The following DTNA variants were observed in gnomAD, a reference collection of about 807,000 sequenced individuals.
DTNA encodes the protein dystrobrevin alpha.
DTNA carries 43 observed loss-of-function variants against 100.7 expected under a neutral mutation model. The ratio of observed to expected loss-of-function variants is 0.43; its 90% CI spans 0.33 to 0.55. DTNA has a LOEUF of 0.55. Among genes scored for constraint, DTNA ranks in the 20% least tolerant of loss-of-function variants. The probability of loss-of-function intolerance (pLI) is 0.04; values close to 1 mark genes in which losing one functional copy is unlikely to be tolerated. For synonymous variants in DTNA, 349 were observed against 347.9 expected, an observed-to-expected ratio of 1.00 and a Z score of -0.04; for missense variants, 798 against 953.9, an observed-to-expected ratio of 0.84 and a Z score of 2.15.
At position 34,890,231 on chromosome 18, in the gene DTNA, T is replaced by C. The variant is rs1426254024; in HGVS notation, c.*2497T>C. 6.7e-7 allele frequency: 1 copy of C among 1,495,622 alleles called. No homozygotes were observed. Among genetic ancestry groups the C allele is most frequent in the Non-Finnish European group, 8.9e-7 (1 of 1,128,090 alleles). The allele number at this position is 1,495,622 out of a possible 1,614,324, so 92.6% of individuals were successfully genotyped here. A position where few individuals can be genotyped will look rare whatever the true frequency, so the allele number is the denominator to read the frequency against. On this transcript the variant is annotated 3_prime_UTR_variant, in exon 23 of 23. Transcript: ENST00000444659. ...TGTTGATATCGTCATATAAAGCCAT[T>C]GCAAGGACTCTGGAAACTGCCGCCA...
intron 17 of DTNA, chr18:34,865,997 A>C (rs1450398860): frequency 8.5e-7 from 1 of 1,176,142 alleles, no homozygotes; most frequent in Non-Finnish European, 1.3e-6. Context: ...AGAGGCCTGG[A>C]CCTGCCGTCA....
At chr18:34,515,886 T>C (rs1157018006) in intron 1 of DTNA, among the ~76,000 whole-genome samples, 1 of 152,088 alleles carries the variant, frequency 6.6e-6, no homozygotes, top group Non-Finnish European at 1.5e-5. Flanking sequence ...ACATTAAAAC[T>C]GAAAGAAGCA....
At chr18:34,629,127 C>T (rs2057739330) in intron 1 of DTNA, among the ~76,000 whole-genome samples, 1 of 152,106 alleles carries the variant, frequency 6.6e-6, no homozygotes, top group African/African-American at 2.4e-5. Context: ...TACACAAGCT[C>T]TTTTATTTTC....
chr18:34,818,681 G>A, intron 8 of DTNA: 1 of 1,100,386 alleles, frequency 9.1e-7, no homozygotes, highest in East Asian at 6.3e-5. Context: ...TTTGTTTTGT[G>A]GAAACGGCTT....
At chr18:34,707,784 A>G (rs1028677421), upstream of DTNA, among the ~76,000 whole-genome samples, 4 of 152,176 alleles carry the variant, frequency 2.6e-5, no homozygotes, top group African/African-American at 4.8e-5. Flanking sequence ...TCTCTCCTTC[A>G]TCAACTGTTT....
chr18:34,557,644 GC>G (rs2046213559), intron 1 of DTNA, among the ~76,000 whole-genome samples: 1 of 151,678 alleles, frequency 6.6e-6, no homozygotes, highest in African/African-American at 2.4e-5. Flanking sequence ...GTGTCAGTGT[GC>G]CCCTGCTGGG....
rs575281955 is a variant in DTNA at position 34,562,535 on chromosome 18, T to C, written c.-2+69021T>C. Among the ~76,000 whole-genome samples, 24 of 152,280 alleles carry C rather than the reference T, an allele frequency of 1.6e-4. 2 individuals carry two copies. The South Asian group carries it at 4.6e-3, about 29-fold the overall frequency. On this transcript the variant is annotated intron_variant, in intron 1 of 19. Coordinates refer to the DTNA transcript ENST00000283365. ...CTTTTTTTTCTTTACCATGCAGCAT[T>C]CTACTTTTCTCTGCCATTCATAACA... is the stretch of plus-strand genomic sequence containing the variant.
chr18:34,821,030 T>A (rs1468701014), intron 9 of DTNA, 115 bp downstream of exon 9: 12 of 1,377,546 alleles, frequency 8.7e-6, no homozygotes, highest in South Asian at 2.5e-5. Context: ...TAATTTAGTT[T>A]AAAAAAAAAA....
At chr18:34,514,044 C>T (rs1239226101) in intron 1 of DTNA, 1 of 152,060 alleles carries the variant, frequency 6.6e-6, no homozygotes, top group East Asian at 1.9e-4. Context: ...TTAAATTGTG[C>T]ACAGAGGTTC....
At position 34,883,471 on chromosome 18, in the gene DTNA, G is replaced by A. The variant is rs540674209; in HGVS notation, c.2296-1257G>A. On this transcript the variant is annotated intron_variant, in intron 21 of 22. Coordinates refer to ENST00000444659, the MANE Select transcript of DTNA (RefSeq NM_001386795.1). ...ACTACAGGTGCACACCACCATGCCT[G>A]GCTAATGTTTTTATTTTTTGTGGAG... is the stretch of plus-strand genomic sequence containing the variant. Among the ~76,000 whole-genome samples, 9 of 151,962 alleles carry A rather than the reference G, an allele frequency of 5.9e-5. 1 individual carries two copies. The highest frequency in any genetic ancestry group is 1.3e-4 in the Non-Finnish European group (9 of 67,968).
At chr18:34,639,608 G>C (rs2059043005) in intron 1 of DTNA, among the ~76,000 whole-genome samples, 1 of 152,074 alleles carries the variant, frequency 6.6e-6, no homozygotes, top group Admixed American at 6.5e-5. Context: ...AAGTGGCATA[G>C]TACTGCAAAA....
intron 13 of DTNA, 47 bp downstream of exon 13, chr18:34,838,884 T>A (rs374132540): frequency 2.6e-6 from 4 of 1,551,814 alleles, no homozygotes; most frequent in Non-Finnish European, 3.6e-6. Flanking sequence ...AGGGATACAG[T>A]CTGAGCTGGT....
rs113530917 is a variant in DTNA at position 34,583,850 on chromosome 18, T to G, written c.-2+90336T>G. The stretch of plus-strand genomic sequence containing the variant: ...ATTCCCTCCTCAACTTTTTGCAGCC[T>G]GACAGCTACCCCTCTCTCACCCTGT... On this transcript the variant is annotated intron_variant, in intron 1 of 19. Coordinates refer to the DTNA transcript ENST00000283365. Among the ~76,000 whole-genome samples, 815 of 152,278 alleles carry G rather than the reference T, an allele frequency of 5.4e-3. 9 individuals carry two copies. The highest frequency in any genetic ancestry group is 0.019 in the African/African-American group (781 of 41,564).
rs145750556 is a variant in DTNA at position 34,852,924 on chromosome 18, A to C, written c.1532+996A>C. Reference sequence around the variant, plus strand: ...GGAGGTTGTCACTTATCACTATCTGAAATAATCATGTGTGTTTGTTTCTTC... The same window carrying C: ...GGAGGTTGTCACTTATCACTATCTGCAATAATCATGTGTGTTTGTTTCTTC... On this transcript the variant is annotated intron_variant, in intron 15 of 22. Transcript: ENST00000444659. Among the ~76,000 whole-genome samples, 10 of 152,238 alleles carry C rather than the reference A, an allele frequency of 6.6e-5. No individual in the cohort carries two copies. The East Asian group carries it at 1.9e-3, about 29-fold the overall frequency.
intron 6 of DTNA, among the ~76,000 whole-genome samples, chr18:34,813,574 G>A (rs2095529545): frequency 1.3e-5 from 2 of 150,876 alleles, no homozygotes; most frequent in Non-Finnish European, 3.0e-5. Context: ...GTGTCAATAG[G>A]CCGGGTGAGG....
intron 20 of DTNA, among the ~76,000 whole-genome samples, chr18:34,879,994 A>C (rs2096856833): frequency 6.6e-6 from 1 of 152,140 alleles, no homozygotes; most frequent in Admixed American, 6.5e-5. Context: ...TGCTATACAA[A>C]ATAGTATTAA....
At chr18:34,673,280 T>C (rs530750090) in intron 1 of DTNA, among the ~76,000 whole-genome samples, 50 of 152,146 alleles carry the variant, frequency 3.3e-4, no homozygotes, top group African/African-American at 1.2e-3. Context: ...TTATTATTAT[T>C]ATTTTTTCTC....
intron 1 of DTNA, among the ~76,000 whole-genome samples, chr18:34,522,176 A>G (rs1211489542): frequency 6.6e-6 from 1 of 152,150 alleles, no homozygotes; most frequent in Non-Finnish European, 1.5e-5. Context: ...TTTAATATTT[A>G]TAAAGAACGG....
chr18:34,806,588 G>A (rs2095366996), intron 5 of DTNA, among the ~76,000 whole-genome samples: 2 of 152,174 alleles, frequency 1.3e-5, no homozygotes, highest in South Asian at 2.1e-4. Flanking sequence ...GCAGTTAATT[G>A]TGTTATACTG....
Sources: gnomAD v4.1 joint callset for allele counts (sites outside exome capture counted in the v4.1 genomes callset) on GRCh38, gnomAD v4.1.1 for gene constraint, MANE v1.5 for transcripts, NCBI Gene and HGNC (gene_info 2026-07-23, HGNC 2026-07-21) for gene names.